The following DIP2C variants were observed in gnomAD, a reference collection of about 807,000 sequenced individuals.
DIP2C encodes the protein DIP2 acetate--CoA ligase C (putative).
DIP2C carries 33 observed loss-of-function variants against 192.4 expected under a neutral mutation model. That is an observed-to-expected ratio of 0.17 (90% CI 0.13 to 0.23). The LOEUF (loss-of-function observed/expected upper bound fraction) is 0.23, where lower values mean the gene tolerates loss of function less well. DIP2C is among the 10% of genes least tolerant of loss of function. The pLI is 1.00. For missense variants in DIP2C, 1,537 were observed against 2,110.1 expected (o/e 0.73, Z 5.32); for synonymous variants, 979 against 864.1 (o/e 1.13, Z -2.33).
At chr10:288,272 C>T in intron 33 of DIP2C, 92 bp downstream of exon 33, 1 of 1,252,252 alleles carries the variant, frequency 8.0e-7, no homozygotes, top group Middle Eastern at 1.9e-4. Flanking sequence ...TTGGAAAAAA[C>T]ATTCTAAAAA....
At chr10:650,181 CCTGCGGGGTGGGTGGTG>C (rs1377136601) in intron 1 of DIP2C, 1 of 717,286 alleles carries the variant, frequency 1.4e-6, no homozygotes, top group African/African-American at 1.7e-5. Context: ...CACTGGAGGT[CCTGCGGGGTGGGTGGTG>C]CTGGGGAGGC....
At chr10:355,978 G>T (rs1424737015) in intron 24 of DIP2C, among the ~76,000 whole-genome samples, 2 of 152,174 alleles carry the variant, frequency 1.3e-5, no homozygotes, top group Non-Finnish European at 2.9e-5. Flanking sequence ...CTACCCGGAG[G>T]CTGATGCACG....
At chr10:623,238 C>T (rs74115081) in intron 1 of DIP2C, among the ~76,000 whole-genome samples, 10,785 of 151,062 alleles carry the variant, frequency 0.071, 701 homozygotes, top group African/African-American at 0.17. Context: ...GCCGGGCTGG[C>T]GAGGGAGGTC....
At chr10:426,734 G>A (rs1966621219) in intron 4 of DIP2C, among the ~76,000 whole-genome samples, 1 of 152,136 alleles carries the variant, frequency 6.6e-6, no homozygotes, top group African/African-American at 2.4e-5. Flanking sequence ...AACGTCTCAA[G>A]ACAATTCAGT....
chr10:438,845 G>A (rs1288512674), intron 4 of DIP2C, among the ~76,000 whole-genome samples: 1 of 151,570 alleles, frequency 6.6e-6, no homozygotes, highest in Non-Finnish European at 1.5e-5. Context: ...TAATTGAGAT[G>A]GGGTCTTGCT....
Position 275,718 on chromosome 10 carries a change from C to T in DIP2C, c.*1607G>A, listed in dbSNP as rs1267383892. The T allele has an allele frequency of 3.9e-5, 6 of 152,096 alleles. No homozygotes were observed. The highest frequency in any genetic ancestry group is 7.2e-5 in the African/African-American group (3 of 41,420). The allele number at this position is 152,096 out of a possible 1,614,324, so 9.4% of individuals were successfully genotyped here. On this transcript the variant is annotated 3_prime_UTR_variant, in exon 37 of 37. Transcript: ENST00000280886. ...ACACATCTTTCTCGGAGTGCAGATG[C>T]TCCTTCTTGGTTGGACACCGTGGGC...
intron 4 of DIP2C, among the ~76,000 whole-genome samples, chr10:429,980 G>A (rs1966841595): frequency 2.0e-5 from 3 of 152,190 alleles, no homozygotes; most frequent in Admixed American, 2.0e-4. Flanking sequence ...CCTAAAGGCT[G>A]TTCTATTTTG....
At position 495,939 on chromosome 10, in the gene DIP2C, C is replaced by G. The variant is rs138014788; in HGVS notation, c.86-9409G>C. Among the ~76,000 whole-genome samples the G allele has an allele frequency of 8.7e-3, 1,300 of 150,000 alleles. 12 individuals are homozygous for G. The highest frequency in any genetic ancestry group is 0.013 in the Admixed American group (192 of 15,062). On this transcript the variant is annotated intron_variant, in intron 1 of 36. Coordinates refer to ENST00000280886, the MANE Select transcript of DIP2C (RefSeq NM_014974.3). ...GTGAGTGCTGAGTACACAGAACCCACGGTGCCTTCCCGTGTACTTAAAATC... is the reference window on the plus strand; with the variant it reads ...GTGAGTGCTGAGTACACAGAACCCAGGGTGCCTTCCCGTGTACTTAAAATC...
intron 1 of DIP2C, among the ~76,000 whole-genome samples, chr10:598,129 G>A (rs894097064): frequency 2.0e-5 from 3 of 152,232 alleles, no homozygotes; most frequent in East Asian, 1.9e-4. Flanking sequence ...CTCCCACGAG[G>A]AAAGTGCCAG....
chr10:281,696 G>A (rs751399810), intron 35 of DIP2C, among the ~76,000 whole-genome samples: 21 of 152,220 alleles, frequency 1.4e-4, no homozygotes, highest in Admixed American at 2.0e-4. Context: ...CTGAGGCCTC[G>A]TCTGCCCAAG....
intron 1 of DIP2C, among the ~76,000 whole-genome samples, chr10:539,908 C>T (rs1847887382): frequency 6.6e-6 from 1 of 152,174 alleles, no homozygotes; most frequent in African/African-American, 2.4e-5. Flanking sequence ...CAGTATAAAA[C>T]ACATTACAAA....
chr10:545,927 G>GAC (rs775760274), intron 1 of DIP2C, among the ~76,000 whole-genome samples: 1 of 152,186 alleles, frequency 6.6e-6, no homozygotes, highest in Non-Finnish European at 1.5e-5. Context: ...TAAGCCGGTG[G>GAC]TTTTCAAACT....
chr10:544,895 G>T (rs1324825668), intron 1 of DIP2C, among the ~76,000 whole-genome samples: 1 of 152,106 alleles, frequency 6.6e-6, no homozygotes, highest in Non-Finnish European at 1.5e-5. Context: ...CCTCTGAAAT[G>T]AACATTTTTA....
intron 17 of DIP2C, among the ~76,000 whole-genome samples, chr10:377,740 G>A (rs1961801390): frequency 6.6e-6 from 1 of 152,150 alleles, no homozygotes; most frequent in South Asian, 2.1e-4. Context: ...TCTCCCTGCG[G>A]ACACGTCTTC....
intron 1 of DIP2C, among the ~76,000 whole-genome samples, chr10:582,567 A>G (rs950670108): frequency 2.0e-5 from 3 of 152,236 alleles, no homozygotes; most frequent in African/African-American, 7.2e-5. Flanking sequence ...TGGGTGACAG[A>G]GCAAGACCCT....
At chr10:345,554 ACC>A (rs1194269891) in intron 26 of DIP2C, among the ~76,000 whole-genome samples, 39 of 135,384 alleles carry the variant, frequency 2.9e-4, no homozygotes, top group African/African-American at 1.1e-3. Context: ...TCTCCCGGAA[ACC>A]CCCCACACCC....
intron 1 of DIP2C, among the ~76,000 whole-genome samples, chr10:488,429 G>A (rs1001377843): frequency 1.4e-4 from 21 of 152,112 alleles, no homozygotes; most frequent in African/African-American, 5.1e-4. Context: ...AGAATTTGAG[G>A]CACAAATGGT....
intron 24 of DIP2C, among the ~76,000 whole-genome samples, chr10:354,727 G>A (rs533804975): frequency 7.2e-5 from 11 of 152,156 alleles, no homozygotes; most frequent in African/African-American, 2.6e-4. Context: ...ATTAGGGGAG[G>A]GAGGAAGCAC....
At chr10:290,366 C>A (rs796077402) in intron 32 of DIP2C, among the ~76,000 whole-genome samples, 11 of 152,342 alleles carry the variant, frequency 7.2e-5, no homozygotes, top group African/African-American at 2.6e-4. Context: ...CTTTTAGGAG[C>A]CTGGTAGCAT....
Sources: gnomAD v4.1 joint callset for allele counts (sites outside exome capture counted in the v4.1 genomes callset) on GRCh38, gnomAD v4.1.1 for gene constraint, MANE v1.5 for transcripts, NCBI Gene and HGNC (gene_info 2026-07-23, HGNC 2026-07-21) for gene names.